Variants in USP15 observed in about 807,000 individuals in gnomAD.
USP15 encodes ubiquitin specific peptidase 15.
Under a neutral mutation model 127.1 loss-of-function variants are expected in USP15, and 18 were observed. The ratio of observed to expected loss-of-function variants is 0.14; its 90% CI spans 0.10 to 0.21. The LOEUF (loss-of-function observed/expected upper bound fraction) is 0.21, where lower values mean the gene tolerates loss of function less well. USP15 is among the 10% of genes least tolerant of loss of function. The pLI is 1.00. For synonymous variants in USP15, 364 were observed against 393.7 expected (o/e 0.92, Z 0.89); for missense variants, 805 against 1,159.9 (o/e 0.69, Z 4.44).
At position 62,291,147 on chromosome 12, in the gene USP15, A is replaced by G. The variant is rs575427617; in HGVS notation, c.90-3032A>G. 2.0e-5 allele frequency among the ~76,000 whole-genome samples: 3 copies of G among 152,304 alleles called. No homozygotes were observed. In the South Asian group the frequency reaches 6.2e-4, roughly 32 times the overall value. Reference sequence around the variant, plus strand: ...GGATGTCTAGATCACTTGCTGGACAAGAGAAGTTGGTTTTCCAAACTTTTT... The same window carrying G: ...GGATGTCTAGATCACTTGCTGGACAGGAGAAGTTGGTTTTCCAAACTTTTT... On this transcript the variant is annotated intron_variant, in intron 1 of 21. Coordinates refer to ENST00000280377, the MANE Select transcript of USP15 (RefSeq NM_001252078.2).
At chr12:62,369,410 A>G (rs1421823567) in intron 8 of USP15, among the ~76,000 whole-genome samples, 1 of 152,132 alleles carries the variant, frequency 6.6e-6, no homozygotes, top group Non-Finnish European at 1.5e-5. Flanking sequence ...CACAGCAAAA[A>G]CACATTGTTC....
intron 2 of USP15, among the ~76,000 whole-genome samples, chr12:62,297,142 A>C (rs2064154884): frequency 6.6e-6 from 1 of 152,188 alleles, no homozygotes; most frequent in Non-Finnish European, 1.5e-5. Flanking sequence ...AGTTTCTGTC[A>C]TGCCTTATTG....
chr12:62,306,190 C>T (rs1319305210), intron 3 of USP15: 1 of 152,180 alleles, frequency 6.6e-6, no homozygotes, highest in African/African-American at 2.4e-5. Flanking sequence ...CTCCCAGATT[C>T]TTGACCCTCA....
chr12:62,282,958 T>G (rs540045119), intron 1 of USP15, among the ~76,000 whole-genome samples: 190 of 152,360 alleles, frequency 1.2e-3, no homozygotes, highest in Non-Finnish European at 2.2e-3. Context: ...GTAACTGTAG[T>G]ATTAATGTTA....
In USP15 at chr12:62,388,521, T is replaced by A. The variant is rs189164412; in HGVS notation, c.1474-910T>A. ...ATTATTTCTGAGTACTGTCAAAGGA[T>A]CAATTGATATTGGGCACTGTGGATT... On this transcript the variant is annotated intron_variant, in intron 11 of 21. Coordinates refer to ENST00000280377, the MANE Select transcript of USP15 (RefSeq NM_001252078.2). Among the ~76,000 whole-genome samples, 137 of 152,326 alleles carry A rather than the reference T, an allele frequency of 9.0e-4. 1 individual carries two copies. Among genetic ancestry groups the A allele is most frequent in the African/African-American group, 3.1e-3 (130 of 41,574 alleles).
chr12:62,264,839 A>G (rs1036296335), intron 1 of USP15, among the ~76,000 whole-genome samples: 2 of 152,220 alleles, frequency 1.3e-5, no homozygotes, highest in South Asian at 4.1e-4. Flanking sequence ...TTATATTACT[A>G]TTACTTTTAA....
intron 8 of USP15, among the ~76,000 whole-genome samples, chr12:62,358,208 T>G (rs2066199711): frequency 6.6e-6 from 1 of 152,150 alleles, no homozygotes; most frequent in Non-Finnish European, 1.5e-5. Flanking sequence ...AAGCGTGGGT[T>G]ATACTTAGCC....
rs58192089 is a variant in USP15, at chr12:62,388,117, A to ATTTT, written c.1474-1292_1474-1289dup. ...ATAGGAAGCCTAAAGAATGGTGAAG[A>ATTTT]TTTTTTTTTTTTTTTTTTTTTTTTT... On this transcript the variant is annotated intron_variant, in intron 11 of 21. Coordinates refer to ENST00000280377, the MANE Select transcript of USP15 (RefSeq NM_001252078.2). Among the ~76,000 whole-genome samples, 203 of 106,594 alleles carry ATTTT rather than the reference A, an allele frequency of 1.9e-3. 4 individuals are homozygous for ATTTT. Among genetic ancestry groups the ATTTT allele is most frequent in the African/African-American group, 5.4e-3 (151 of 28,182 alleles). 69.9% of individuals were successfully genotyped at this position (106,594 alleles called of 152,430 possible).
intron 1 of USP15, among the ~76,000 whole-genome samples, chr12:62,271,740 CAT>C (rs769117526): frequency 2.8e-4 from 43 of 151,940 alleles, no homozygotes; most frequent in Non-Finnish European, 5.5e-4. Context: ...TATGGAGAGA[CAT>C]ACACATTTAA....
At chr12:62,310,770 G>A (rs73137504) in intron 3 of USP15, among the ~76,000 whole-genome samples, 11,828 of 99,270 alleles carry the variant, frequency 0.12, 582 homozygotes, top group Middle Eastern at 0.22. Context: ...GGATTCAATG[G>A]TAATTCTGTT....
intron 1 of USP15, among the ~76,000 whole-genome samples, chr12:62,263,116 A>G (rs1410197306): frequency 6.6e-6 from 1 of 152,216 alleles, no homozygotes; most frequent in African/African-American, 2.4e-5. Context: ...ACAGGTACAG[A>G]ACTGGTGGTG....
intron 6 of USP15, chr12:62,336,526 G>T (rs1463088622): frequency 1.0e-5 from 10 of 966,742 alleles, no homozygotes; most frequent in African/African-American, 5.3e-5. Context: ...AAGATCCAAA[G>T]AACTTCTGTT....
intron 3 of USP15, among the ~76,000 whole-genome samples, chr12:62,313,044 C>G (rs1592563443): frequency 6.6e-6 from 1 of 151,416 alleles, no homozygotes; most frequent in Non-Finnish European, 1.5e-5. Context: ...TGTTAATACA[C>G]TACTTTGGGA....
chr12:62,322,811 G>A (rs1161881923), intron 5 of USP15, among the ~76,000 whole-genome samples: 1 of 152,100 alleles, frequency 6.6e-6, no homozygotes, highest in East Asian at 1.9e-4. Flanking sequence ...ACCATCTCTA[G>A]ATTATCTTTG....
intron 7 of USP15, 69 bp from the exon 8 acceptor site, chr12:62,355,262 T>C: frequency 7.4e-7 from 1 of 1,351,540 alleles, no homozygotes; most frequent in Non-Finnish European, 9.9e-7. Flanking sequence ...TAAATAGGCC[T>C]AAAGTACTCT....
At chr12:62,308,829 CAA>C (rs1230969443) in intron 3 of USP15, among the ~76,000 whole-genome samples, 2 of 151,942 alleles carry the variant, frequency 1.3e-5, no homozygotes, top group Non-Finnish European at 2.9e-5. Flanking sequence ...AAATCAGTAA[CAA>C]AGAGATAACC....
intron 2 of USP15, chr12:62,294,661 G>T: frequency 6.2e-6 from 1 of 161,036 alleles, no homozygotes; most frequent in Non-Finnish European, 1.3e-5. Flanking sequence ...ATTAAACACT[G>T]ATTATTTTGA....
At position 62,392,297 on chromosome 12, in the gene USP15, A is replaced by G; in HGVS notation, c.2330A>G (p.Glu777Gly). 1 of 1,599,172 alleles carries G rather than the reference A, an allele frequency of 6.3e-7. No homozygotes were observed. The highest frequency in any genetic ancestry group is 8.5e-7 in the Non-Finnish European group (1 of 1,175,688). ...GACTTTGAAAAACATGAAAGTGTGG[A>G]GTATAAACCTCCTAAAAAACCCTTT... ...AEDFEKHESV[E>G]YKPPKKPFVK... Residue 777 changes from glutamate to glycine, a missense_variant, in exon 18 of 22, where the codon GAG becomes GGG. Glu to Gly is a moderately conservative substitution (Grantham distance 98, BLOSUM62 -2). Coordinates refer to ENST00000280377, the MANE Select transcript of USP15 (RefSeq NM_001252078.2).
chr12:62,339,423 C>A (rs1284160618), intron 6 of USP15, among the ~76,000 whole-genome samples: 3 of 152,124 alleles, frequency 2.0e-5, no homozygotes. Context: ...ACTTCCAGTA[C>A]TTTGTTGAAT....
Sources: allele counts gnomAD v4.1 joint callset (sites outside exome capture counted in the v4.1 genomes callset), GRCh38; gene constraint gnomAD v4.1.1; transcripts MANE v1.5; gene names NCBI Gene and HGNC (gene_info 2026-07-23, HGNC 2026-07-21).